Variants in ARNT observed in about 807,000 individuals in gnomAD.
ARNT encodes class E basic helix-loop-helix protein 2.
In ARNT, 30 loss-of-function variants were observed where a neutral mutation model predicts 105.0. That is an observed-to-expected ratio of 0.29 (90% CI 0.21 to 0.39). The LOEUF (loss-of-function observed/expected upper bound fraction) is 0.39, where lower values mean the gene tolerates loss of function less well. Among genes scored for constraint, ARNT ranks in the 10% least tolerant of loss-of-function variants. The pLI is 1.00. For missense variants in ARNT, 748 were observed against 978.7 expected (o/e 0.76, Z 3.15); for synonymous variants, 304 against 344.0 (o/e 0.88, Z 1.29).
intron 1 of ARNT, among the ~76,000 whole-genome samples, chr1:150,863,378 G>A (rs1666001086): frequency 6.6e-6 from 1 of 151,164 alleles, no homozygotes; most frequent in Non-Finnish European, 1.5e-5. Context: ...AAGAGTGCCA[G>A]GTAAATTCAG....
chr1:150,816,484 G>A (rs1655909284), intron 18 of ARNT, 78 bp from the exon 19 acceptor site: 1 of 1,495,312 alleles, frequency 6.7e-7, no homozygotes, highest in South Asian at 1.3e-5. Context: ...ACAATCTAGT[G>A]CTATCCCTAG....
intron 4 of ARNT, 149 bp from the exon 5 acceptor site, chr1:150,842,617 T>A: frequency 1.6e-6 from 1 of 615,444 alleles, no homozygotes; most frequent in Non-Finnish European, 2.8e-6. Flanking sequence ...GAAAAGGATA[T>A]AGAACTAAAC....
At chr1:150,817,479 T>G (rs758218827) in intron 15 of ARNT, 46 bp from the exon 16 acceptor site, 2 of 1,591,128 alleles carry the variant, frequency 1.3e-6, no homozygotes, top group Admixed American at 3.5e-5. Context: ...AAAAAAAATT[T>G]TTTTTAAAAA....
intron 3 of ARNT, among the ~76,000 whole-genome samples, chr1:150,849,903 A>G (rs1232975873): frequency 6.6e-6 from 1 of 152,114 alleles, no homozygotes; most frequent in Non-Finnish European, 1.5e-5. Context: ...CGTCTCTACT[A>G]AAAATACAAA....
intron 20 of ARNT, 105 bp from the exon 21 acceptor site, chr1:150,813,443 G>GAT (rs756666812): frequency 1.4e-4 from 167 of 1,187,938 alleles, no homozygotes; most frequent in South Asian, 9.6e-4. Flanking sequence ...TTTTACCTAG[G>GAT]ATAACTCTGT....
At chr1:150,874,214 T>C (rs1667920460) in intron 1 of ARNT, among the ~76,000 whole-genome samples, 1 of 152,094 alleles carries the variant, frequency 6.6e-6, no homozygotes, top group African/African-American at 2.4e-5. Flanking sequence ...TGTCCCTCCA[T>C]TCATTAATCT....
chr1:150,830,228 C>T lies in ARNT; in HGVS notation c.956-248G>A, dbSNP rs1659117250. The T allele has an allele frequency of 1.4e-5, 5 of 364,164 alleles. No individual in the cohort carries two copies. In the South Asian group the frequency reaches 1.9e-4, roughly 13 times the overall value. 22.6% of individuals were successfully genotyped at this position (364,164 alleles called of 1,614,324 possible). A position where few individuals can be genotyped will look rare whatever the true frequency, so the allele number is the denominator to read the frequency against. On this transcript the variant is annotated intron_variant, in intron 10 of 21. Transcript: ENST00000358595. Reference sequence around the variant, plus strand: ...AGGCATGGTGGCATGCACCTGTAATCCCAGCTACTTGGGAGGCTGAGGTGA... The same window carrying T: ...AGGCATGGTGGCATGCACCTGTAATTCCAGCTACTTGGGAGGCTGAGGTGA...
At chr1:150,847,712 CAGGAT>C (rs1662507248) in intron 3 of ARNT, among the ~76,000 whole-genome samples, 2 of 152,154 alleles carry the variant, frequency 1.3e-5, no homozygotes, top group African/African-American at 4.8e-5. Flanking sequence ...CATTATAATT[CAGGAT>C]TCTCAATAGG....
rs1299002628 is a variant in ARNT, at chr1:150,816,867, TGGA to T, written c.1720_1722del (p.Ser575del). The T allele has an allele frequency of 1.2e-6, 2 of 1,603,310 alleles. No homozygotes were observed. The highest frequency in any genetic ancestry group is 1.8e-5 in the Admixed American group (1 of 55,374). On this transcript the variant is annotated inframe_deletion, in exon 18 of 22. Coordinates refer to ENST00000358595, the MANE Select transcript of ARNT (RefSeq NM_001668.4). ...AGCTGTTGGGTGGCAGGGACAGTGCTGGAGGAGATGCCTTTACTCTGATCTGTG... is the reference window on the plus strand; with the variant it reads ...AGCTGTTGGGTGGCAGGGACAGTGCTGGAGATGCCTTTACTCTGATCTGTG...
intron 13 of ARNT, 102 bp from the exon 14 acceptor site, chr1:150,823,447 G>T: frequency 9.0e-7 from 1 of 1,106,554 alleles, no homozygotes; most frequent in Non-Finnish European, 1.2e-6. Context: ...TCTTGTCATT[G>T]TCCTTGAGGC....
chr1:150,822,969 T>G (rs986860578), intron 14 of ARNT, among the ~76,000 whole-genome samples: 1 of 152,148 alleles, frequency 6.6e-6, no homozygotes, highest in African/African-American at 2.4e-5. Flanking sequence ...CAGGCTGGAG[T>G]GCAGTGGCAT....
intron 19 of ARNT, among the ~76,000 whole-genome samples, chr1:150,814,768 G>A (rs1282206088): frequency 6.6e-6 from 1 of 151,996 alleles, no homozygotes; most frequent in South Asian, 2.1e-4. Flanking sequence ...ACTTGAACCC[G>A]GGAGACAGAG....
At position 150,842,462 on chromosome 1, in the gene ARNT, A is replaced by C. The variant is rs1428483610; in HGVS notation, c.234T>G (p.Asp78Glu). The part of the protein sequence containing the change: ...SNDKERFARS[D>E]DEQSSADKER... ...CTTTATCCGCAGAGCTCTGCTCATC[A>C]TCCGACCTAAAAATAGAATTAATGA... Residue 78 changes from aspartate to glutamate, a missense_variant, in exon 5 of 22, where the codon GAT becomes GAG. This residue lies in a region of ARNT where 93 missense variants were observed against 101.6 expected (regional missense o/e 0.92). Coordinates refer to ENST00000358595, the MANE Select transcript of ARNT (RefSeq NM_001668.4). 1.9e-6 allele frequency: 3 copies of C among 1,611,014 alleles called. No homozygotes were observed. Among genetic ancestry groups the C allele is most frequent in the Non-Finnish European group, 1.7e-6 (2 of 1,178,396 alleles).
At chr1:150,864,761 A>T (rs1666247156) in intron 1 of ARNT, among the ~76,000 whole-genome samples, 1 of 140,108 alleles carries the variant, frequency 7.1e-6, no homozygotes. Flanking sequence ...TTAAAGTATA[A>T]TAAAAAATAA....
chr1:150,848,598 G>A (rs904196731), intron 3 of ARNT, among the ~76,000 whole-genome samples: 2 of 152,074 alleles, frequency 1.3e-5, no homozygotes, highest in Non-Finnish European at 2.9e-5. Flanking sequence ...GCGCAACCTC[G>A]GCTCACTGCA....
chr1:150,871,326 A>C (rs1458738645), intron 1 of ARNT, among the ~76,000 whole-genome samples: 1 of 110,686 alleles, frequency 9.0e-6, no homozygotes, highest in Non-Finnish European at 1.7e-5. Context: ...TTTTAGACGG[A>C]GTCTCACTCT....
In ARNT at chr1:150,852,753, G is replaced by A. The variant is rs751627205; in HGVS notation, c.182+9C>T. 1.5e-5 allele frequency: 24 copies of A among 1,610,306 alleles called. No homozygotes were observed. The highest frequency in any genetic ancestry group is 1.6e-4 in the Middle Eastern group (1 of 6,068). ...TCAGACATCTAAGGAAAGTTTTTCA[G>A]TCTCTTACCTCAAAAATTTACTGTT... On this transcript the variant is annotated intron_variant, in intron 3 of 21. Coordinates refer to ENST00000358595, the MANE Select transcript of ARNT (RefSeq NM_001668.4).
intron 1 of ARNT, among the ~76,000 whole-genome samples, chr1:150,869,075 G>A (rs1667052154): frequency 6.6e-6 from 1 of 152,126 alleles, no homozygotes; most frequent in Non-Finnish European, 1.5e-5. Context: ...GTTGCAGGAA[G>A]CTATGGTCAC....
intron 1 of ARNT, among the ~76,000 whole-genome samples, chr1:150,865,986 T>G (rs1208486200): frequency 1.3e-5 from 2 of 151,744 alleles, no homozygotes; most frequent in Admixed American, 1.3e-4. Context: ...TCCAAAGTTT[T>G]TTTTTTTTTT....
Sources: allele counts gnomAD v4.1 joint callset (sites outside exome capture counted in the v4.1 genomes callset), GRCh38; gene constraint gnomAD v4.1.1; regional missense constraint gnomAD v4.1.1; transcripts MANE v1.5; gene names NCBI Gene and HGNC (gene_info 2026-07-23, HGNC 2026-07-21).